The following ZRANB3 variants were observed in gnomAD, a reference collection of about 807,000 sequenced individuals.
ZRANB3 encodes zinc finger RANBP2-type containing 3, also known as DNA annealing helicase and endonuclease ZRANB3.
In ZRANB3, 125 loss-of-function variants were observed where a neutral mutation model predicts 133.8. The observed-to-expected ratio is 0.93, with a 90% CI of 0.81 to 1.08. The LOEUF (loss-of-function observed/expected upper bound fraction) is 1.08, where lower values mean the gene tolerates loss of function less well. ZRANB3 is among the 50% of genes least tolerant of loss of function. The probability of loss-of-function intolerance (pLI) is 0.00; values close to 1 mark genes in which losing one functional copy is unlikely to be tolerated. For synonymous variants in ZRANB3, 387 were observed against 432.7 expected (o/e 0.89, Z 1.31); for missense variants, 1,229 against 1,275.5 (o/e 0.96, Z 0.56).
intron 2 of ZRANB3, among the ~76,000 whole-genome samples, chr2:135,470,580 G>A (rs74319285): frequency 0.1 from 15,749 of 150,876 alleles, 1,081 homozygotes; most frequent in South Asian, 0.32. Context: ...CCAGATACTC[G>A]GGAGGCTGAG....
intron 2 of ZRANB3, among the ~76,000 whole-genome samples, chr2:135,476,171 T>C (rs978427805): frequency 6.6e-6 from 1 of 152,210 alleles, no homozygotes; most frequent in Non-Finnish European, 1.5e-5. Context: ...ATGGAGCTTA[T>C]ATGGATCTTC....
intron 2 of ZRANB3, among the ~76,000 whole-genome samples, chr2:135,492,223 T>C (rs1454411824): frequency 6.6e-6 from 1 of 152,186 alleles, no homozygotes; most frequent in Non-Finnish European, 1.5e-5. Flanking sequence ...TATCAATGAA[T>C]GAAAGTGAGT....
intron 8 of ZRANB3, among the ~76,000 whole-genome samples, chr2:135,293,430 T>C (rs1203768135): frequency 6.6e-6 from 1 of 152,140 alleles, no homozygotes; most frequent in Non-Finnish European, 1.5e-5. Context: ...GCTTGTGATT[T>C]TTGCACATTG....
intron 2 of ZRANB3, among the ~76,000 whole-genome samples, chr2:135,471,734 A>G (rs549020695): frequency 2.0e-5 from 3 of 152,222 alleles, no homozygotes; most frequent in Admixed American, 2.0e-4. Flanking sequence ...TACATCAAAC[A>G]TTCCATTTCT....
intron 8 of ZRANB3, among the ~76,000 whole-genome samples, chr2:135,304,867 T>C (rs1308648878): frequency 6.6e-6 from 1 of 152,214 alleles, no homozygotes; most frequent in East Asian, 1.9e-4. Context: ...GGGTCTGTAG[T>C]GACAGTCTTT....
intron 2 of ZRANB3, among the ~76,000 whole-genome samples, chr2:135,424,411 T>C (rs1688987110): frequency 6.6e-6 from 1 of 152,034 alleles, no homozygotes; most frequent in African/African-American, 2.4e-5. Flanking sequence ...AGAATAAACA[T>C]AATATTAATG....
Position 135,348,237 on chromosome 2 carries a change from C to A in ZRANB3, c.591+1747G>T, listed in dbSNP as rs558978334. Among the ~76,000 whole-genome samples, 4 of 146,256 alleles carry A rather than the reference C, an allele frequency of 2.7e-5. No homozygotes were observed. In the South Asian group the frequency reaches 8.7e-4, roughly 32 times the overall value. On this transcript the variant is annotated intron_variant, in intron 5 of 20. Transcript: ENST00000264159. ...TCATGCCACTGCACTCCAGCCTGGG[C>A]AACAGAGTGAGACTCTGTCTCAAAA...
Position 135,424,000 on chromosome 2 carries a change from G to A in ZRANB3, c.162-33180C>T, listed in dbSNP as rs137982594. ...CTGATCTTAAACTGAAGCCGACAGA[G>A]ATGGATCACTAGACATTTAAGAACA... On this transcript the variant is annotated intron_variant, in intron 2 of 20. Transcript: ENST00000264159. Among the ~76,000 whole-genome samples, 96 of 152,244 alleles carry A rather than the reference G, an allele frequency of 6.3e-4. 1 individual carries two copies. Among genetic ancestry groups the A allele is most frequent in the Non-Finnish European group, 9.7e-4 (66 of 68,026 alleles).
intron 6 of ZRANB3, among the ~76,000 whole-genome samples, chr2:135,335,552 G>A (rs965725629): frequency 6.6e-6 from 1 of 151,950 alleles, no homozygotes; most frequent in African/African-American, 2.4e-5. Flanking sequence ...AATTTGCCTG[G>A]TGTGGTGACA....
intron 8 of ZRANB3, among the ~76,000 whole-genome samples, chr2:135,276,339 T>C (rs1313146287): frequency 6.6e-6 from 1 of 151,654 alleles, no homozygotes; most frequent in Non-Finnish European, 1.5e-5. Flanking sequence ...ATTTAGCTTA[T>C]CTCTGGGATG....
chr2:135,387,131 C>A (rs1687019939), intron 3 of ZRANB3, among the ~76,000 whole-genome samples: 1 of 151,816 alleles, frequency 6.6e-6, no homozygotes, highest in Non-Finnish European at 1.5e-5. Flanking sequence ...ACACAATACT[C>A]CAAGTGAGTA....
chr2:135,480,090 T>G (rs997752257), intron 2 of ZRANB3, among the ~76,000 whole-genome samples: 3 of 149,596 alleles, frequency 2.0e-5, no homozygotes. Flanking sequence ...CCCGCCACCA[T>G]GTCAGGCTAA....
chr2:135,285,833 G>GT (rs1014815400), intron 8 of ZRANB3, among the ~76,000 whole-genome samples: 8 of 151,870 alleles, frequency 5.3e-5, no homozygotes, highest in Non-Finnish European at 1.2e-4. Context: ...ACATGTAACT[G>GT]TTTTTTTTCT....
chr2:135,473,231 T>A (rs766299577), intron 2 of ZRANB3, among the ~76,000 whole-genome samples: 1 of 152,196 alleles, frequency 6.6e-6, no homozygotes, highest in African/African-American at 2.4e-5. Flanking sequence ...AGGTACCTCA[T>A]GTAAATGAAA....
Position 135,207,719 on chromosome 2 carries a change from T to C in ZRANB3, c.2724A>G (p.Gly908=), listed in dbSNP as rs749235600. Residue 908 remains glycine, a synonymous_variant, in exon 19 of 21, where the codon GGA becomes GGG. Coordinates refer to ENST00000264159, the MANE Select transcript of ZRANB3 (RefSeq NM_032143.4). ...GCTGACAGCGAAGGCAAAGTGGATT[T>C]CCTTCATTATCCACAGCTTGCAAAT... ...KGYLQAVDNE[G]NPLCLRCQQP... The C allele has an allele frequency of 9.9e-6, 16 of 1,614,054 alleles. No homozygotes were observed. The highest frequency in any genetic ancestry group is 1.4e-5 in the Non-Finnish European group (16 of 1,179,904).
intron 8 of ZRANB3, among the ~76,000 whole-genome samples, chr2:135,300,319 G>C (rs1682366349): frequency 6.6e-6 from 1 of 151,938 alleles, no homozygotes; most frequent in African/African-American, 2.4e-5. Context: ...CTATTTACTT[G>C]AAAACTCATT....
intron 2 of ZRANB3, among the ~76,000 whole-genome samples, chr2:135,468,808 A>G (rs1381206181): frequency 6.6e-6 from 1 of 152,236 alleles, no homozygotes; most frequent in African/African-American, 2.4e-5. Flanking sequence ...GATCTGACAG[A>G]CATATTTGCA....
At chr2:135,466,382 C>CAAAAAAAAAAAAAAAAAAAAAAAAAAAA (rs553890734) in intron 2 of ZRANB3, among the ~76,000 whole-genome samples, 2 of 28,214 alleles carry the variant, frequency 7.1e-5, no homozygotes, top group Non-Finnish European at 1.3e-4. Flanking sequence ...GACTCCGTCA[C>CAAAAAAAAAAAAAAAAAAAAAAAAAAAA]AAAAAAAAAA....
At chr2:135,222,742 AT>A (rs1694604562) in intron 15 of ZRANB3, among the ~76,000 whole-genome samples, 1 of 152,058 alleles carries the variant, frequency 6.6e-6, no homozygotes, top group African/African-American at 2.4e-5. Flanking sequence ...AAATATAATT[AT>A]TTTAAATAAA....
Sources: gnomAD v4.1 joint callset for allele counts (sites outside exome capture counted in the v4.1 genomes callset) on GRCh38, gnomAD v4.1.1 for gene constraint, MANE v1.5 for transcripts, NCBI Gene and HGNC (gene_info 2026-07-23, HGNC 2026-07-21) for gene names.